Variants in TAFA1 observed in about 807,000 individuals in gnomAD.
The protein encoded by TAFA1 is chemokine-like protein TAFA-1.
A neutral mutation model predicts 18.5 loss-of-function variants in TAFA1; 4 were observed. The ratio of observed to expected loss-of-function variants is 0.22; its 90% CI spans 0.11 to 0.49. TAFA1 has a LOEUF of 0.49. Among genes scored for constraint, TAFA1 ranks in the 20% least tolerant of loss-of-function variants. The pLI is 0.98. For synonymous variants in TAFA1, 56 were observed against 55.2 expected (o/e 1.01, Z -0.06); for missense variants, 147 against 169.0 (o/e 0.87, Z 0.72).
rs574565199 is a variant in TAFA1 at position 68,156,418 on chromosome 3, T to G, written c.118+149674T>G. Among the ~76,000 whole-genome samples, 9 of 152,266 alleles carry G rather than the reference T, an allele frequency of 5.9e-5. No homozygotes were observed. The South Asian group carries it at 1.9e-3, about 32-fold the overall frequency. On this transcript the variant is annotated intron_variant, in intron 2 of 4. Transcript: ENST00000478136. Reference sequence around the variant, plus strand: ...AGATGTTCTTGTTTGTCTGCTTGGTTGTTTTATTTTCTCCTGGGTCTGCTT... The same window carrying G: ...AGATGTTCTTGTTTGTCTGCTTGGTGGTTTTATTTTCTCCTGGGTCTGCTT...
In TAFA1 at chr3:68,046,593, T is replaced by C. The variant is rs565626971; in HGVS notation, c.118+39849T>C. Among the ~76,000 whole-genome samples the C allele has an allele frequency of 9.8e-4, 149 of 152,316 alleles. 4 individuals are homozygous for C. In the South Asian group the frequency reaches 0.029, roughly 29 times the overall value. On this transcript the variant is annotated intron_variant, in intron 2 of 4. Transcript: ENST00000478136. ...AATGTTGGGTAAGTTGATTCTTTGA[T>C]GATAAATATTGATTGAGTGCTTACT...
At chr3:68,477,978 C>A (rs9866276) in intron 3 of TAFA1, among the ~76,000 whole-genome samples, 66,568 of 151,756 alleles carry the variant, frequency 0.44, 15,209 homozygotes, top group Non-Finnish European at 0.48. Context: ...AATCATTCCC[C>A]TATTCATGAG....
rs570140540 is a variant in TAFA1, at chr3:68,311,993, A to G, written c.119-105287A>G. ...ATGTAGATGGAGGTTCCCAAACCCC[A>G]GTTATTGACTTCTGTGCCCTGACAG... On this transcript the variant is annotated intron_variant, in intron 2 of 4. Coordinates refer to ENST00000478136, the MANE Select transcript of TAFA1 (RefSeq NM_213609.4). Among the ~76,000 whole-genome samples, 9 of 152,346 alleles carry G rather than the reference A, an allele frequency of 5.9e-5. No homozygotes were observed. The East Asian group carries it at 1.7e-3, about 29-fold the overall frequency.
intron 2 of TAFA1, among the ~76,000 whole-genome samples, chr3:68,362,660 G>T (rs566428032): frequency 6.6e-6 from 1 of 152,104 alleles, no homozygotes; most frequent in African/African-American, 2.4e-5. Flanking sequence ...AACCCTTCCT[G>T]CAGTGAATGT....
chr3:68,495,001 T>G (rs961825589), intron 3 of TAFA1, among the ~76,000 whole-genome samples: 1 of 151,880 alleles, frequency 6.6e-6, no homozygotes, highest in Admixed American at 6.6e-5. Context: ...ACAACTAGAG[T>G]AAAAACAAAA....
At chr3:68,293,695 G>A (rs1176638785) in intron 2 of TAFA1, among the ~76,000 whole-genome samples, 2 of 152,124 alleles carry the variant, frequency 1.3e-5, no homozygotes, top group Admixed American at 6.5e-5. Context: ...TCTTCATAAC[G>A]CATTTGTATT....
chr3:68,234,618 C>G (rs13069239), intron 2 of TAFA1, among the ~76,000 whole-genome samples: 48,845 of 151,978 alleles, frequency 0.32, 8,180 homozygotes, highest in Admixed American at 0.36. Context: ...GACACTGCTC[C>G]ACTTTTCACC....
chr3:68,233,750 T>C (rs1275200226), intron 2 of TAFA1, among the ~76,000 whole-genome samples: 1 of 152,204 alleles, frequency 6.6e-6, no homozygotes, highest in Non-Finnish European at 1.5e-5. Flanking sequence ...ATGAGTGCTT[T>C]TATACTGGAA....
At chr3:67,995,267 T>C in the TAFA1 span, among the ~76,000 whole-genome samples, 1 of 152,178 alleles carries the variant, frequency 6.6e-6, no homozygotes, top group Non-Finnish European at 1.5e-5. Flanking sequence ...TTTGTTTTAA[T>C]GCAGTGGTTT....
At position 68,380,333 on chromosome 3, in the gene TAFA1, G is replaced by A. The variant is rs190587232; in HGVS notation, c.119-36947G>A. The stretch of plus-strand genomic sequence containing the variant: ...GCATTTCTAGTTCTAGATCCCTGAG[G>A]AATTGGCACACCGACTTCCACAATG... On this transcript the variant is annotated intron_variant, in intron 2 of 4. Coordinates refer to ENST00000478136, the MANE Select transcript of TAFA1 (RefSeq NM_213609.4). Among the ~76,000 whole-genome samples the A allele has an allele frequency of 7.0e-3, 1,064 of 152,282 alleles. 7 individuals carry two copies. The highest frequency in any genetic ancestry group is 0.011 in the Non-Finnish European group (715 of 68,024).
At chr3:68,133,636 A>G (rs776428541) in intron 2 of TAFA1, among the ~76,000 whole-genome samples, 30 of 152,112 alleles carry the variant, frequency 2.0e-4, no homozygotes, top group Admixed American at 6.6e-5. Context: ...GCAATTGTGA[A>G]TGGGAGTTCA....
intron 2 of TAFA1, among the ~76,000 whole-genome samples, chr3:68,068,467 G>T (rs893295361): frequency 6.6e-6 from 1 of 152,116 alleles, no homozygotes; most frequent in Non-Finnish European, 1.5e-5. Context: ...CAGTGCTGAT[G>T]GCTTTAAGCT....
chr3:68,466,481 C>G (rs1416738699), intron 3 of TAFA1, among the ~76,000 whole-genome samples: 1 of 152,154 alleles, frequency 6.6e-6, no homozygotes, highest in Non-Finnish European at 1.5e-5. Flanking sequence ...ATTGCCATCT[C>G]CACTTTTCAA....
chr3:68,020,969 T>A (rs550461825), intron 2 of TAFA1, among the ~76,000 whole-genome samples: 328 of 152,084 alleles, frequency 2.2e-3, no homozygotes, highest in African/African-American at 7.6e-3. Context: ...GTGGATCACC[T>A]GAGGTCAGGA....
At chr3:68,110,862 GGGTTCTATTATAAACCCTTTCT>G (rs1207989658) in intron 2 of TAFA1, among the ~76,000 whole-genome samples, 3 of 152,116 alleles carry the variant, frequency 2.0e-5, no homozygotes, top group Non-Finnish European at 4.4e-5. Flanking sequence ...TACCATTGGT[GGGTTCTATTATAAACCCTTTCT>G]GCTTTGGTCT....
chr3:68,332,562 G>A (rs763887089), intron 2 of TAFA1, among the ~76,000 whole-genome samples: 15 of 152,044 alleles, frequency 9.9e-5, no homozygotes, highest in Non-Finnish European at 1.8e-4. Flanking sequence ...CAACTCAACA[G>A]CAAAAACAAA....
chr3:68,113,260 T>C lies in TAFA1; in HGVS notation c.118+106516T>C, dbSNP rs576107264. 3.3e-5 allele frequency among the ~76,000 whole-genome samples: 5 copies of C among 152,286 alleles called. No individual in the cohort carries two copies. The South Asian group carries it at 8.3e-4, about 25-fold the overall frequency. On this transcript the variant is annotated intron_variant, in intron 2 of 4. Coordinates refer to ENST00000478136, the MANE Select transcript of TAFA1 (RefSeq NM_213609.4). Reference sequence around the variant, plus strand: ...ACAGAATGGATTTCTGCAATAAACATGTACACATAAGGACACTTGATTCAA... The same window carrying C: ...ACAGAATGGATTTCTGCAATAAACACGTACACATAAGGACACTTGATTCAA...
At chr3:68,155,648 C>T (rs1193559090) in intron 2 of TAFA1, among the ~76,000 whole-genome samples, 1 of 151,968 alleles carries the variant, frequency 6.6e-6, no homozygotes, top group Non-Finnish European at 1.5e-5. Flanking sequence ...TTTTAAAAGT[C>T]TTGGGCCACA....
rs1354965195 is a variant in TAFA1 at position 68,004,454 on chromosome 3, G to A, written c.-252G>A. ...GATGATTTAAAGGTGAAAATGACAA[G>A]GTTTCCACCCCTCAAACCTTGGCTC... On this transcript the variant is annotated 5_prime_UTR_variant, in exon 1 of 5. Coordinates refer to ENST00000478136, the MANE Select transcript of TAFA1 (RefSeq NM_213609.4). The A allele has an allele frequency of 2.0e-5, 3 of 152,092 alleles. No homozygotes were observed. The highest frequency in any genetic ancestry group is 4.4e-5 in the Non-Finnish European group (3 of 68,024). 9.4% of individuals were successfully genotyped at this position (152,092 alleles called of 1,614,324 possible). A position where few individuals can be genotyped will look rare whatever the true frequency, so the allele number is the denominator to read the frequency against.
Sources: gnomAD v4.1 joint callset for allele counts (sites outside exome capture counted in the v4.1 genomes callset) on GRCh38, gnomAD v4.1.1 for gene constraint, MANE v1.5 for transcripts, NCBI Gene and HGNC (gene_info 2026-07-23, HGNC 2026-07-21) for gene names.